KIF24: variants seen among roughly 807,000 people sequenced by gnomAD.
KIF24 encodes the protein kinesin-like protein KIF24.
KIF24 carries 81 observed loss-of-function variants against 118.9 expected under a neutral mutation model. That is an observed-to-expected ratio of 0.68 (90% confidence interval 0.57 to 0.82). The LOEUF is 0.82. KIF24 is among the 40% of genes least tolerant of loss of function. KIF24 has a pLI of 0.00. For missense variants in KIF24, 1,560 were observed against 1,661.6 expected (o/e 0.94, Z 1.06); for synonymous variants, 599 against 610.0 (o/e 0.98, Z 0.27).
intron 8 of KIF24, among the ~76,000 whole-genome samples, chr9:34,264,328 G>A (rs1835203777): frequency 6.6e-6 from 1 of 151,950 alleles, no homozygotes; most frequent in African/African-American, 2.4e-5. Context: ...TACTCAGGAG[G>A]CTGAGAAAGG....
At chr9:34,290,502 GCT>G in intron 4 of KIF24, 113 bp from the exon 5 acceptor site, 1 of 634,264 alleles carries the variant, frequency 1.6e-6, no homozygotes, top group South Asian at 2.3e-5. Flanking sequence ...AGAAAATTCA[GCT>G]ATAAACACAT....
At position 34,306,266 on chromosome 9, in the gene KIF24, G is replaced by C. The variant is rs752446429; in HGVS notation, c.799C>G (p.Gln267Glu). ...AAACATCATACCTGCAGAATATATT[G>C]AGTGAGGTCAACTGCTTCTTTCTTC... is the stretch of plus-strand genomic sequence containing the variant. ...HEKKEAVDLTQYILQHVFYFD... is the reference protein window; with the variant it reads ...HEKKEAVDLTEYILQHVFYFD... Residue 267 changes from glutamine to glutamate, a missense_variant, in exon 3 of 13, where the codon CAA becomes GAA. Gln to Glu is a conservative substitution (Grantham distance 29). This residue lies in a region of KIF24 where 964 missense variants were observed against 988.0 expected (regional missense o/e 0.98). Coordinates refer to ENST00000402558, the MANE Select transcript of KIF24 (RefSeq NM_194313.4). 1 of 1,597,718 alleles carries C rather than the reference G, an allele frequency of 6.3e-7. No individual in the cohort carries two copies. The highest frequency in any genetic ancestry group is 8.5e-7 in the Non-Finnish European group (1 of 1,170,988).
rs372272118 is a variant in KIF24 at position 34,329,256 on chromosome 9, C to G, written c.-176G>C. Reference sequence around the variant, plus strand: ...GCATCTCCATGGCAACGCCGCCAAGCGCCAGTTCGAACGCCCGCGCTGTGG... The same window carrying G: ...GCATCTCCATGGCAACGCCGCCAAGGGCCAGTTCGAACGCCCGCGCTGTGG... On this transcript the variant is annotated 5_prime_UTR_variant, in exon 1 of 13. Transcript: ENST00000402558. Among the ~76,000 whole-genome samples the G allele has an allele frequency of 2.6e-4, 39 of 152,374 alleles. No individual in the cohort carries two copies. The South Asian group carries it at 8.1e-3, about 32-fold the overall frequency.
upstream of KIF24, among the ~76,000 whole-genome samples, chr9:34,331,186 A>AAT (rs1026158460): frequency 1.2e-4 from 19 of 152,282 alleles, no homozygotes; most frequent in South Asian, 2.1e-4. Context: ...CCTTATAAGG[A>AAT]ATATATATAC....
rs563637480 is a variant in KIF24, at chr9:34,253,276, C to T, written c.*1104G>A. On this transcript the variant is annotated 3_prime_UTR_variant, in exon 13 of 13. Transcript: ENST00000402558. The stretch of plus-strand genomic sequence containing the variant: ...AAAGGCTCACATAGTAATGGGCGTT[C>T]GGGCCAAGGCCGTGACTCATGAATC... 1 of 152,332 alleles carries T rather than the reference C, an allele frequency of 6.6e-6. No individual in the cohort carries two copies. Among genetic ancestry groups the T allele is most frequent in the South Asian group, 2.1e-4 (1 of 4,824 alleles). 9.4% of individuals were successfully genotyped at this position (152,332 alleles called of 1,614,324 possible).
At chr9:34,294,102 T>C (rs1273580684) in intron 4 of KIF24, among the ~76,000 whole-genome samples, 2 of 152,126 alleles carry the variant, frequency 1.3e-5, no homozygotes, top group African/African-American at 2.4e-5. Context: ...TACAGGCATA[T>C]GCCACCAAAC....
intron 4 of KIF24, among the ~76,000 whole-genome samples, chr9:34,295,159 G>A (rs1449407538): frequency 6.6e-6 from 1 of 151,342 alleles, no homozygotes; most frequent in African/African-American, 2.4e-5. Context: ...TAGATAGGTA[G>A]GTAGATAGCT....
chr9:34,274,749 G>T (rs1164325868), intron 6 of KIF24, among the ~76,000 whole-genome samples: 1 of 14,098 alleles, frequency 7.1e-5, no homozygotes, highest in Non-Finnish European at 2.8e-4. Flanking sequence ...TAAAGTGAAA[G>T]AACTTAAACA....
rs1324709717 is a variant in KIF24, at chr9:34,312,843, T to C, written c.-25-1472A>G. Among the ~76,000 whole-genome samples, 3 of 152,084 alleles carry C rather than the reference T, an allele frequency of 2.0e-5. No individual in the cohort carries two copies. The East Asian group carries it at 5.8e-4, about 29-fold the overall frequency. ...CTCCTGAGTAGCTAGGATTCACAGG[T>C]GCGTGCCACCACACCCGGCTAATTT... On this transcript the variant is annotated intron_variant, in intron 1 of 12. Coordinates refer to ENST00000402558, the MANE Select transcript of KIF24 (RefSeq NM_194313.4).
chr9:34,269,206 T>C (rs1835406351), intron 8 of KIF24, 51 bp downstream of exon 8: 4 of 1,033,122 alleles, frequency 3.9e-6, no homozygotes, highest in Non-Finnish European at 6.0e-6. Context: ...CTGTATGTAA[T>C]GGGCAGTCTT....
intron 6 of KIF24, among the ~76,000 whole-genome samples, chr9:34,278,138 G>C (rs1299573355): frequency 1.3e-5 from 2 of 152,138 alleles, no homozygotes; most frequent in African/African-American, 4.8e-5. Flanking sequence ...GCCGGGCACG[G>C]TGGCTCACGT....
chr9:34,295,999 C>T (rs1044076310), intron 4 of KIF24, among the ~76,000 whole-genome samples: 1 of 110,768 alleles, frequency 9.0e-6, no homozygotes, highest in African/African-American at 2.5e-5. Flanking sequence ...GCGGGCGGAT[C>T]ACGAGGTCAG....
Position 34,318,359 on chromosome 9 carries a change from A to C in KIF24, c.-25-6988T>G, listed in dbSNP as rs1837396520. On this transcript the variant is annotated intron_variant, in intron 1 of 12. Transcript: ENST00000402558. The surrounding 1 kb of genome is among the most constrained non-coding windows in gnomAD (Gnocchi z 4.9). ...AACCCAGCCCAACCCAGCTTGACCT[A>C]GCCCTGACAGGTCCATCGTGGTGCA... The C allele has an allele frequency of 1.5e-6, 1 of 661,296 alleles. No individual in the cohort carries two copies. Among genetic ancestry groups the C allele is most frequent in the Non-Finnish European group, 2.8e-6 (1 of 362,834 alleles). 41.0% of individuals were successfully genotyped at this position (661,296 alleles called of 1,614,324 possible). A position where few individuals can be genotyped will look rare whatever the true frequency, so the allele number is the denominator to read the frequency against.
chr9:34,273,075 C>G (rs1835563396), intron 6 of KIF24, among the ~76,000 whole-genome samples: 1 of 151,572 alleles, frequency 6.6e-6, no homozygotes, highest in African/African-American at 2.4e-5. Context: ...AGAGCAAGAC[C>G]CTGTCTCAAA....
intron 3 of KIF24, among the ~76,000 whole-genome samples, chr9:34,305,178 C>T (rs920392246): frequency 6.6e-6 from 1 of 152,140 alleles, no homozygotes; most frequent in African/African-American, 2.4e-5. Flanking sequence ...AAGTTTCTTT[C>T]AATACCAAAC....
At chr9:34,301,807 A>G (rs1443922109) in intron 3 of KIF24, among the ~76,000 whole-genome samples, 2 of 152,104 alleles carry the variant, frequency 1.3e-5, no homozygotes, top group African/African-American at 2.4e-5. Context: ...ACTGTACCTC[A>G]GCCTGGGCAA....
chr9:34,275,165 A>T (rs1485119488), intron 6 of KIF24, among the ~76,000 whole-genome samples: 1 of 152,110 alleles, frequency 6.6e-6, no homozygotes, highest in Non-Finnish European at 1.5e-5. Flanking sequence ...AGGCTAAGGC[A>T]GGTGGATCAC....
rs976457560 is a variant in KIF24 at position 34,308,020 on chromosome 9, G to T, written c.624-1579C>A. Among the ~76,000 whole-genome samples the T allele has an allele frequency of 2.6e-5, 4 of 152,266 alleles. No individual in the cohort carries two copies. In the East Asian group the frequency reaches 7.7e-4, roughly 29 times the overall value. ...GGGTCTTGCTCTATCACCCAGACTG[G>T]AGTGCAGTGGTGCGAGCATAGCTCA... On this transcript the variant is annotated intron_variant, in intron 2 of 12. Transcript: ENST00000402558.
chr9:34,316,257 C>T (rs1178281799), intron 1 of KIF24, among the ~76,000 whole-genome samples: 1 of 151,782 alleles, frequency 6.6e-6, no homozygotes, highest in African/African-American at 2.4e-5. Flanking sequence ...CTGAGTTTCA[C>T]CTGAACCTGG....
Sources: allele counts gnomAD v4.1 joint callset (sites outside exome capture counted in the v4.1 genomes callset), GRCh38; gene constraint gnomAD v4.1.1; regional missense constraint gnomAD v4.1.1; non-coding constraint Gnocchi (gnomAD v3.1); transcripts MANE v1.5; gene names NCBI Gene and HGNC (gene_info 2026-07-23, HGNC 2026-07-21).